Variants in PTPN12 observed in about 807,000 individuals in gnomAD.
PTPN12 encodes the protein protein tyrosine phosphatase non-receptor type 12, also known as tyrosine-protein phosphatase non-receptor type 12.
A neutral mutation model predicts 97.6 loss-of-function variants in PTPN12; 29 were observed. That is an observed-to-expected ratio of 0.30 (90% CI 0.22 to 0.41). The LOEUF (loss-of-function observed/expected upper bound fraction) is 0.41. Among genes scored for constraint, PTPN12 ranks in the 10% least tolerant of loss-of-function variants. The pLI is 1.00. For missense variants in PTPN12, 819 were observed against 926.0 expected (o/e 0.88, Z 1.50); for synonymous variants, 327 against 300.4 (o/e 1.09, Z -0.91).
chr7:77,632,605 T>TG (rs1416389099), intron 14 of PTPN12, among the ~76,000 whole-genome samples, 180 bp downstream of exon 14: 1 of 152,246 alleles, frequency 6.6e-6, no homozygotes, highest in Non-Finnish European at 1.5e-5. Context: ...ATTTTTTACT[T>TG]GCTAAGATCG....
At chr7:77,575,288 A>G (rs1372610975) in intron 2 of PTPN12, among the ~76,000 whole-genome samples, 1 of 152,096 alleles carries the variant, frequency 6.6e-6, no homozygotes, top group Admixed American at 6.6e-5. Flanking sequence ...TCAGGAGTTC[A>G]AGACCAGCCT....
Position 77,591,318 on chromosome 7 carries a change from C to G in PTPN12, c.421-867C>G, listed in dbSNP as rs1402176325. Among the ~76,000 whole-genome samples the G allele has an allele frequency of 5.9e-5, 9 of 152,302 alleles. No individual in the cohort carries two copies. In the South Asian group the frequency reaches 1.4e-3, roughly 25 times the overall value. ...AAGGTTTATTTAAGCTAGATGGTCA[C>G]TTAGAGACTTTGATTTTATTGGGCC... On this transcript the variant is annotated intron_variant, in intron 5 of 17. Coordinates refer to ENST00000248594, the MANE Select transcript of PTPN12 (RefSeq NM_002835.4).
chr7:77,618,161 G>A (rs540315222), intron 11 of PTPN12, among the ~76,000 whole-genome samples: 1 of 151,834 alleles, frequency 6.6e-6, no homozygotes, highest in Non-Finnish European at 1.5e-5. Flanking sequence ...ATGGCGGGGC[G>A]GGGGGATACT....
chr7:77,579,812 AAAG>A (rs2151328900), intron 2 of PTPN12, among the ~76,000 whole-genome samples: 1 of 152,368 alleles, frequency 6.6e-6, no homozygotes, highest in African/African-American at 2.4e-5. Context: ...GTTTATGGAA[AAAG>A]AAGTACACAG....
At chr7:77,604,574 T>G (rs551567270) in intron 8 of PTPN12, among the ~76,000 whole-genome samples, 28 of 152,248 alleles carry the variant, frequency 1.8e-4, no homozygotes, top group Admixed American at 1.7e-3. Context: ...TTATTCATGT[T>G]GTAAGTACCA....
At chr7:77,562,257 C>G (rs913863177) in intron 1 of PTPN12, among the ~76,000 whole-genome samples, 3 of 152,074 alleles carry the variant, frequency 2.0e-5, no homozygotes, top group Non-Finnish European at 4.4e-5. Context: ...GTTTCACCAC[C>G]TTGGCCAAGC....
At chr7:77,584,237 A>G (rs1787614366) in intron 4 of PTPN12, among the ~76,000 whole-genome samples, 1 of 152,224 alleles carries the variant, frequency 6.6e-6, no homozygotes, top group South Asian at 2.1e-4. Context: ...GATGTGGAAA[A>G]TCAGTAATGT....
At chr7:77,638,885 C>A (rs2302474) in intron 17 of PTPN12, 154 bp downstream of exon 17, 139,015 of 1,238,924 alleles carry the variant, frequency 0.11, 13,102 homozygotes, top group East Asian at 0.6. Context: ...ATACTTAATT[C>A]TATTTCACAT....
chr7:77,537,538 C>A lies in PTPN12; in HGVS notation c.-9C>A, dbSNP rs1806712677. 1 of 1,583,150 alleles carries A rather than the reference C, an allele frequency of 6.3e-7. No individual in the cohort carries two copies. The highest frequency in any genetic ancestry group is 1.4e-5 in the African/African-American group (1 of 71,556). On this transcript the variant is annotated 5_prime_UTR_variant, in exon 1 of 18. Coordinates refer to ENST00000248594, the MANE Select transcript of PTPN12 (RefSeq NM_002835.4). The stretch of plus-strand genomic sequence containing the variant: ...GGGCCAGCGACCGCAGCCGGGGGGA[C>A]GCGGGAGGATGGAGCAAGTGGAGAT...
chr7:77,550,820 C>G (rs1584094992), intron 1 of PTPN12, among the ~76,000 whole-genome samples: 1 of 152,102 alleles, frequency 6.6e-6, no homozygotes, highest in Non-Finnish European at 1.5e-5. Context: ...TTTCCTTGGC[C>G]CTCCAGAAAA....
At chr7:77,603,248 T>C (rs1423069187) in intron 8 of PTPN12, among the ~76,000 whole-genome samples, 1 of 152,210 alleles carries the variant, frequency 6.6e-6, no homozygotes, top group Non-Finnish European at 1.5e-5. Flanking sequence ...ATAAGTTAGT[T>C]AAAATAATTT....
chr7:77,568,017 CT>C (rs1188151925), intron 1 of PTPN12, among the ~76,000 whole-genome samples: 1 of 152,018 alleles, frequency 6.6e-6, no homozygotes, highest in Admixed American at 6.6e-5. Flanking sequence ...TTGTAGATAC[CT>C]TTTTAAAGTA....
At chr7:77,583,943 A>G (rs1787602675) in intron 4 of PTPN12, 1 of 261,446 alleles carries the variant, frequency 3.8e-6, no homozygotes, top group Non-Finnish European at 7.4e-6. Context: ...GTGCTCTAAT[A>G]GGTCAGTAAA....
intron 1 of PTPN12, among the ~76,000 whole-genome samples, chr7:77,547,398 G>C (rs1385530805): frequency 6.6e-6 from 1 of 152,038 alleles, no homozygotes; most frequent in Non-Finnish European, 1.5e-5. Context: ...AATATTTTTT[G>C]TGTGTAAGCC....
At chr7:77,556,510 G>A (rs1807719004) in intron 1 of PTPN12, among the ~76,000 whole-genome samples, 1 of 152,142 alleles carries the variant, frequency 6.6e-6, no homozygotes, top group South Asian at 2.1e-4. Flanking sequence ...CAGCAGGTTA[G>A]GCTCAGGTTA....
At chr7:77,588,095 C>T (rs1174097276) in intron 5 of PTPN12, among the ~76,000 whole-genome samples, 1 of 152,154 alleles carries the variant, frequency 6.6e-6, no homozygotes, top group Admixed American at 6.5e-5. Context: ...TTGTGTGTTT[C>T]CTGGAGTAGC....
At chr7:77,628,909 C>T (rs1789297523) in intron 13 of PTPN12, among the ~76,000 whole-genome samples, 1 of 152,052 alleles carries the variant, frequency 6.6e-6, no homozygotes, top group African/African-American at 2.4e-5. Flanking sequence ...TTCTCTCACA[C>T]ATACTGTATT....
intron 8 of PTPN12, among the ~76,000 whole-genome samples, chr7:77,603,278 A>G (rs889046493): frequency 6.6e-6 from 1 of 152,222 alleles, no homozygotes; most frequent in African/African-American, 2.4e-5. Flanking sequence ...TCATAAATCC[A>G]TTTGTATAGG....
At position 77,637,857 on chromosome 7, in the gene PTPN12, CAAAAA is replaced by C. The variant is rs754983873; in HGVS notation, c.2174-752_2174-748del. Among the ~76,000 whole-genome samples the C allele has an allele frequency of 2.2e-4, 12 of 55,620 alleles. 1 individual carries two copies. The highest frequency in any genetic ancestry group is 9.0e-4 in the South Asian group (1 of 1,116). 36.5% of individuals were successfully genotyped at this position (55,620 alleles called of 152,430 possible). On this transcript the variant is annotated intron_variant, in intron 16 of 17. Transcript: ENST00000248594. ...GGGCAACAAGAGGGAAACTCCGTCT[CAAAAA>C]AAAAAAAAAAAAAACAAGTAGAGTT...
Sources: gnomAD v4.1 joint callset for allele counts (sites outside exome capture counted in the v4.1 genomes callset) on GRCh38, gnomAD v4.1.1 for gene constraint, MANE v1.5 for transcripts, NCBI Gene and HGNC (gene_info 2026-07-23, HGNC 2026-07-21) for gene names.